CD1B: variants seen among roughly 807,000 people sequenced by gnomAD.
CD1B encodes T-cell surface glycoprotein CD1b.
In CD1B, 43 loss-of-function variants were observed where a neutral mutation model predicts 39.8. The ratio of observed to expected loss-of-function variants is 1.08; its 90% confidence interval spans 0.85 to 1.39. The LOEUF is 1.39. Among genes scored for constraint, CD1B ranks in the 40% most tolerant of loss-of-function variants. The pLI, the probability that CD1B is intolerant of heterozygous loss-of-function variation, is 0.00. For synonymous variants in CD1B, 192 were observed against 152.5 expected (o/e 1.26, Z -1.91); for missense variants, 495 against 403.8 (o/e 1.23, Z -1.94).
the CD1B span, among the ~76,000 whole-genome samples, chr1:158,305,600 A>G: frequency 0.097 from 14,720 of 152,126 alleles, 778 homozygotes; most frequent in South Asian, 0.17. Flanking sequence ...GATACTCCTC[A>G]AGAAGAGCAA....
chr1:158,315,063 A>T, the CD1B span, among the ~76,000 whole-genome samples: 1 of 149,928 alleles, frequency 6.7e-6, no homozygotes, highest in Non-Finnish European at 1.5e-5. Flanking sequence ...TCATTGTTGG[A>T]CATTTGGGTT....
At chr1:158,296,650 A>T in the CD1B span, among the ~76,000 whole-genome samples, 1 of 152,222 alleles carries the variant, frequency 6.6e-6, no homozygotes, top group Non-Finnish European at 1.5e-5. Context: ...GGCAATGAAA[A>T]TCATGAGATT....
At chr1:158,302,981 A>T in the CD1B span, among the ~76,000 whole-genome samples, 1 of 152,266 alleles carries the variant, frequency 6.6e-6, no homozygotes, top group East Asian at 1.9e-4. Flanking sequence ...ACACAATAAA[A>T]AAAGAAAACA....
the CD1B span, chr1:158,293,556 T>C: frequency 3.1e-6 from 5 of 1,614,000 alleles, no homozygotes; most frequent in African/African-American, 1.3e-5. Context: ...TGCCATCCCG[T>C]CGACTCTCCA....
At chr1:158,307,789 T>G in the CD1B span, among the ~76,000 whole-genome samples, 1,758 of 152,272 alleles carry the variant, frequency 0.012, 34 homozygotes, top group African/African-American at 0.04. Context: ...CAACAACCCT[T>G]CATGCTAAAA....
chr1:158,303,953 T>TG, the CD1B span, among the ~76,000 whole-genome samples: 2 of 151,770 alleles, frequency 1.3e-5, no homozygotes, highest in Non-Finnish European at 2.9e-5. Flanking sequence ...AAAAAGAGTC[T>TG]GGGGGGTGCA....
chr1:158,322,691 G>A, the CD1B span, among the ~76,000 whole-genome samples: 1 of 152,096 alleles, frequency 6.6e-6, no homozygotes, highest in African/African-American at 2.4e-5. Flanking sequence ...AGATCTGGTG[G>A]TGTTGCATTT....
In CD1B at chr1:158,329,852, C is replaced by G; in HGVS notation, c.607G>C (p.Val203Leu). ...NAGKADLQRQ[V>L]KPEAWLSSGP... is the part of the protein sequence containing the mutation. The stretch of plus-strand genomic sequence containing the variant: ...GAAGTGAAATAACAGCAGGACTAAC[C>G]TTGTCTTTGCAGATCTGCTTTTCCT... Residue 203 changes from valine (V) to leucine (L), a missense_variant and splice_region_variant, in exon 3 of 6, where the codon GTG (valine) becomes CTG (leucine). Coordinates refer to ENST00000368168, the MANE Select transcript of CD1B (RefSeq NM_001764.3). The G allele has an allele frequency of 6.2e-7, 1 of 1,612,174 alleles. No individual in the cohort carries two copies. Among genetic ancestry groups the G allele is most frequent in the Admixed American group, 1.7e-5 (1 of 59,904 alleles).
At chr1:158,304,362 T>C in the CD1B span, among the ~76,000 whole-genome samples, 1 of 152,052 alleles carries the variant, frequency 6.6e-6, no homozygotes, top group African/African-American at 2.4e-5. Flanking sequence ...CAGTCTGAGA[T>C]CAAACTGCAA....
At chr1:158,302,852 T>TA in the CD1B span, among the ~76,000 whole-genome samples, 1 of 151,980 alleles carries the variant, frequency 6.6e-6, no homozygotes, top group African/African-American at 2.4e-5. Flanking sequence ...TTCTAACAGG[T>TA]ATATAAAGAA....
chr1:158,315,409 G>C, the CD1B span, among the ~76,000 whole-genome samples: 1 of 151,886 alleles, frequency 6.6e-6, no homozygotes, highest in Non-Finnish European at 1.5e-5. Context: ...GATGGCCAGT[G>C]ATGATGAGCA....
chr1:158,296,789 GA>G, the CD1B span, among the ~76,000 whole-genome samples: 1 of 152,056 alleles, frequency 6.6e-6, no homozygotes, highest in Non-Finnish European at 1.5e-5. Flanking sequence ...ATTCACTAAA[GA>G]ATTTTATAAT....
the CD1B span, among the ~76,000 whole-genome samples, chr1:158,290,750 A>G: frequency 6.6e-6 from 1 of 152,262 alleles, no homozygotes; most frequent in Middle Eastern, 3.4e-3. Flanking sequence ...TTTCTGAGAG[A>G]AGGAAACAAC....
At chr1:158,311,732 A>C in the CD1B span, among the ~76,000 whole-genome samples, 2 of 152,188 alleles carry the variant, frequency 1.3e-5, no homozygotes, top group Non-Finnish European at 2.9e-5. Context: ...CAGTTTTCCC[A>C]GCACTATTTA....
chr1:158,310,442 C>A, the CD1B span, among the ~76,000 whole-genome samples: 2 of 152,062 alleles, frequency 1.3e-5, no homozygotes, highest in African/African-American at 4.8e-5. Context: ...TCAAAAGAAA[C>A]TGCAATGTAA....
chr1:158,316,662 C>T, the CD1B span, among the ~76,000 whole-genome samples: 2 of 150,770 alleles, frequency 1.3e-5, no homozygotes, highest in African/African-American at 2.5e-5. Flanking sequence ...CTTCTCCTGC[C>T]TAATTGCCCT....
At chr1:158,314,405 G>A in the CD1B span, among the ~76,000 whole-genome samples, 20 of 152,136 alleles carry the variant, frequency 1.3e-4, no homozygotes, top group African/African-American at 2.9e-4. Context: ...TTGAAAAAAC[G>A]AAGTCTTCTT....
chr1:158,329,869 G>A lies in CD1B; in HGVS notation c.590C>T (p.Ala197Val). The A allele has an allele frequency of 6.2e-7, 1 of 1,613,712 alleles. No individual in the cohort carries two copies. Among genetic ancestry groups the A allele is most frequent in the Non-Finnish European group, 8.5e-7 (1 of 1,179,790 alleles). The change falls in exon 3 of 6, where the codon GCA (alanine) becomes GTA (valine). Residue 197 changes from alanine (A) to valine (V), a missense_variant. Ala to Val is a moderately conservative substitution (Grantham distance 64). Transcript: ENST00000368168. ...GGACTAACCTTGTCTTTGCAGATCT[G>A]CTTTTCCTGCATTGAGGACGCCCAA... ...YLLGVLNAGKADLQRQVKPEA... is the reference protein window; with the variant it reads ...YLLGVLNAGKVDLQRQVKPEA...
chr1:158,287,326 GAC>G, the CD1B span, among the ~76,000 whole-genome samples: 2 of 152,138 alleles, frequency 1.3e-5, no homozygotes, highest in Non-Finnish European at 2.9e-5. Flanking sequence ...GACAGGGAGA[GAC>G]AGAGAGACAG....
Sources: allele counts gnomAD v4.1 joint callset (sites outside exome capture counted in the v4.1 genomes callset), GRCh38; gene constraint gnomAD v4.1.1; transcripts MANE v1.5; gene names NCBI Gene and HGNC (gene_info 2026-07-23, HGNC 2026-07-21).